The following SETD1A variants were observed in gnomAD, a reference collection of about 807,000 sequenced individuals.
The protein encoded by SETD1A is SET domain containing 1A, histone lysine methyltransferase.
In SETD1A, 29 loss-of-function variants were observed where a neutral mutation model predicts 149.9. The ratio of observed to expected loss-of-function variants is 0.19; its 90% CI spans 0.14 to 0.26. The LOEUF (loss-of-function observed/expected upper bound fraction) is 0.26, where lower values mean the gene tolerates loss of function less well. SETD1A is among the 10% of genes least tolerant of loss of function. The pLI, the probability that SETD1A is intolerant of heterozygous loss-of-function variation, is 1.00. For missense variants in SETD1A, 2,109 were observed against 2,353.1 expected, an observed-to-expected ratio of 0.90 and a Z score of 2.15; for synonymous variants, 1,141 against 968.5, an observed-to-expected ratio of 1.18 and a Z score of -3.31.
intron 10 of SETD1A, among the ~76,000 whole-genome samples, chr16:30,968,402 C>CA (rs1367166075): frequency 2.3e-3 from 182 of 79,424 alleles, no homozygotes; most frequent in East Asian, 6.4e-3. Context: ...GACTGTGTCT[C>CA]AAAAAAAAAA....
At chr16:30,958,119 G>T (rs1208560746) in intron 1 of SETD1A, among the ~76,000 whole-genome samples, 155 bp downstream of exon 1, 1 of 149,610 alleles carries the variant, frequency 6.7e-6, no homozygotes, top group Non-Finnish European at 1.5e-5. Context: ...CGCTCGCCGG[G>T]AGCGGGTGAG....
rs2056351104 is a variant in SETD1A, at chr16:30,980,064, C to T, written c.4278C>T (p.Ile1426=). The change falls in exon 14 of 19, where the codon ATC becomes ATT. Residue 1426 remains isoleucine (I), a synonymous_variant. Transcript: ENST00000262519. The surrounding 1 kb of genome is among the most constrained non-coding windows in gnomAD (Gnocchi z 7.7). ...EPRSEFEQMT[I]LYDIWNSGLD... is the part of the protein sequence containing the mutation. ...GCAGTGAGTTTGAACAGATGACCATCCTGTATGACATTTGGAACTCGGGCC... is the reference window on the plus strand; with the variant it reads ...GCAGTGAGTTTGAACAGATGACCATTCTGTATGACATTTGGAACTCGGGCC... 3 of 1,571,478 alleles carry T rather than the reference C, an allele frequency of 1.9e-6. No individual in the cohort carries two copies. The highest frequency in any genetic ancestry group is 2.2e-5 in the South Asian group (2 of 90,470).
At chr16:30,958,114 G>A (rs1490597793) in intron 1 of SETD1A, 150 bp downstream of exon 1, 1 of 149,684 alleles carries the variant, frequency 6.7e-6, no homozygotes, top group Non-Finnish European at 1.5e-5. Context: ...GGAGCCGCTC[G>A]CCGGGAGCGG....
Sources: gnomAD v4.1 joint callset for allele counts (sites outside exome capture counted in the v4.1 genomes callset) on GRCh38, gnomAD v4.1.1 for gene constraint, Gnocchi (gnomAD v3.1) non-coding constraint, MANE v1.5 for transcripts, NCBI Gene and HGNC (gene_info 2026-07-23, HGNC 2026-07-21) for gene names.